FARS2: variants seen among roughly 807,000 people sequenced by gnomAD.
The protein encoded by FARS2 is phenylalanine--tRNA ligase, mitochondrial.
In FARS2, 40 loss-of-function variants were observed where a neutral mutation model predicts 46.4. The observed-to-expected ratio is 0.86, with a 90% CI of 0.67 to 1.12. FARS2 has a LOEUF of 1.12. Among genes scored for constraint, FARS2 ranks in the 50% most tolerant of loss-of-function variants. The pLI, the probability that FARS2 is intolerant of heterozygous loss-of-function variation, is 0.00. For synonymous variants in FARS2, 234 were observed against 214.9 expected, an observed-to-expected ratio of 1.09 and a Z score of -0.78; for missense variants, 513 against 567.9, an observed-to-expected ratio of 0.90 and a Z score of 0.98.
intron 6 of FARS2, among the ~76,000 whole-genome samples, chr6:5,726,639 G>C (rs988029079): frequency 6.6e-6 from 1 of 152,224 alleles, no homozygotes; most frequent in Non-Finnish European, 1.5e-5. Context: ...CATGTGCCCA[G>C]GATCCCTCTA....
chr6:5,625,656 A>AC, intron 6 of FARS2, among the ~76,000 whole-genome samples: 1 of 152,206 alleles, frequency 6.6e-6, no homozygotes, highest in Admixed American at 6.5e-5. Flanking sequence ...ATGAGTGGTC[A>AC]CAGAGAAATA....
chr6:5,367,002 T>C (rs188230296), intron 1 of FARS2, among the ~76,000 whole-genome samples: 13 of 152,284 alleles, frequency 8.5e-5, no homozygotes, highest in Admixed American at 8.5e-4. Flanking sequence ...ACGCCATAAG[T>C]GAATAAAACC....
intron 4 of FARS2, among the ~76,000 whole-genome samples, chr6:5,540,025 C>A (rs1253162200): frequency 6.6e-6 from 1 of 152,156 alleles, no homozygotes; most frequent in African/African-American, 2.4e-5. Context: ...TCATGGCAAC[C>A]ATGGGGCTCC....
In FARS2 at chr6:5,551,025, A is replaced by G. The variant is rs1160891766; in HGVS notation, c.1065+5685A>G. Among the ~76,000 whole-genome samples the G allele has an allele frequency of 2.0e-5, 3 of 152,180 alleles. No individual in the cohort carries two copies. In the East Asian group the frequency reaches 5.8e-4, roughly 29 times the overall value. ...AAACCCCTAACTTTTTGTCTTTTTCAGTATAGATAGGCTAAGAATTTCCCA... is the reference window on the plus strand; with the variant it reads ...AAACCCCTAACTTTTTGTCTTTTTCGGTATAGATAGGCTAAGAATTTCCCA... On this transcript the variant is annotated intron_variant, in intron 5 of 6. Transcript: ENST00000274680.
chr6:5,546,474 A>C (rs546589585), intron 5 of FARS2, among the ~76,000 whole-genome samples: 2 of 148,734 alleles, frequency 1.3e-5, no homozygotes, highest in Non-Finnish European at 3.0e-5. Context: ...CTGGTCTCAA[A>C]CTCCTGACCT....
chr6:5,691,872 C>T (rs1757752864), intron 6 of FARS2, among the ~76,000 whole-genome samples: 1 of 152,220 alleles, frequency 6.6e-6, no homozygotes, highest in Non-Finnish European at 1.5e-5. Context: ...TTTACCTACT[C>T]ACACCTTGTC....
chr6:5,398,141 A>T (rs1034428416), intron 2 of FARS2, among the ~76,000 whole-genome samples: 2 of 152,146 alleles, frequency 1.3e-5, no homozygotes, highest in African/African-American at 4.8e-5. Context: ...TTGCAGGAAG[A>T]TACTTTGAGA....
intron 5 of FARS2, among the ~76,000 whole-genome samples, chr6:5,606,751 G>A (rs981091570): frequency 6.6e-6 from 1 of 152,164 alleles, no homozygotes; most frequent in African/African-American, 2.4e-5. Flanking sequence ...GGGAGGTGGA[G>A]CAGCTCTGGA....
At chr6:5,700,647 C>T (rs533918584) in intron 6 of FARS2, among the ~76,000 whole-genome samples, 6 of 152,280 alleles carry the variant, frequency 3.9e-5, no homozygotes, top group Admixed American at 6.5e-5. Flanking sequence ...GCACCCGCCT[C>T]GGCCTCCCAA....
chr6:5,631,214 C>T (rs1309997898), intron 6 of FARS2, among the ~76,000 whole-genome samples: 1 of 152,004 alleles, frequency 6.6e-6, no homozygotes. Flanking sequence ...TTTTTCAACC[C>T]AGATTGAATC....
At chr6:5,423,931 A>G (rs1762704191) in intron 3 of FARS2, among the ~76,000 whole-genome samples, 1 of 152,192 alleles carries the variant, frequency 6.6e-6, no homozygotes, top group Non-Finnish European at 1.5e-5. Flanking sequence ...TTGTATTCCC[A>G]CATGGATGCT....
At chr6:5,573,420 G>C (rs1343042202) in intron 5 of FARS2, among the ~76,000 whole-genome samples, 1 of 152,198 alleles carries the variant, frequency 6.6e-6, no homozygotes, top group Non-Finnish European at 1.5e-5. Context: ...ACGCGTGCGT[G>C]CATATAGACA....
chr6:5,262,516 C>G (rs1269264561), intron 1 of FARS2, among the ~76,000 whole-genome samples: 1 of 152,068 alleles, frequency 6.6e-6, no homozygotes, highest in African/African-American at 2.4e-5. Flanking sequence ...TGACCTCAGG[C>G]AATCCGCCCG....
chr6:5,610,312 A>T (rs28433048), intron 5 of FARS2: 15,349 of 207,504 alleles, frequency 0.074, 177 homozygotes, highest in East Asian at 0.12. Context: ...AATTCTTTTT[A>T]AAAAAAAAAA....
At chr6:5,558,260 A>G in intron 5 of FARS2, among the ~76,000 whole-genome samples, 1 of 152,140 alleles carries the variant, frequency 6.6e-6, no homozygotes, top group Non-Finnish European at 1.5e-5. Flanking sequence ...AGAGGAGCAC[A>G]TGGGCACACC....
At chr6:5,416,702 T>C (rs1762259499) in intron 3 of FARS2, among the ~76,000 whole-genome samples, 1 of 152,250 alleles carries the variant, frequency 6.6e-6, no homozygotes, top group African/African-American at 2.4e-5. Flanking sequence ...CTTTGTTCTC[T>C]TACTTTGTTT....
At chr6:5,609,950 C>T in intron 5 of FARS2, 2 of 1,267,376 alleles carry the variant, frequency 1.6e-6, no homozygotes, top group Non-Finnish European at 2.3e-6. Flanking sequence ...TTTGGTTCCA[C>T]AACTCTTCCA....
intron 6 of FARS2, among the ~76,000 whole-genome samples, chr6:5,770,476 TAGA>T (rs1465022256): frequency 1.3e-5 from 2 of 152,118 alleles, no homozygotes; most frequent in East Asian, 1.9e-4. Flanking sequence ...CCTTATTGTA[TAGA>T]AGAAGAGAAA....
chr6:5,493,026 T>C (rs561703779), intron 4 of FARS2, among the ~76,000 whole-genome samples: 9 of 152,278 alleles, frequency 5.9e-5, no homozygotes, highest in African/African-American at 2.2e-4. Context: ...TGATTTTTTC[T>C]GCTATGGCCC....
Sources: gnomAD v4.1 joint callset for allele counts (sites outside exome capture counted in the v4.1 genomes callset) on GRCh38, gnomAD v4.1.1 for gene constraint, MANE v1.5 for transcripts, NCBI Gene and HGNC (gene_info 2026-07-23, HGNC 2026-07-21) for gene names.